RPS6KA2: variants seen among roughly 807,000 people sequenced by gnomAD.
RPS6KA2 encodes the protein ribosomal protein S6 kinase alpha-2.
A neutral mutation model predicts 91.8 loss-of-function variants in RPS6KA2; 42 were observed. That is an observed-to-expected ratio of 0.46 (90% CI 0.36 to 0.59). The LOEUF is 0.59. RPS6KA2 is among the 20% of genes least tolerant of loss of function. The pLI is 0.00. For missense variants in RPS6KA2, 798 were observed against 978.5 expected, an observed-to-expected ratio of 0.82 and a Z score of 2.46; for synonymous variants, 414 against 393.6, an observed-to-expected ratio of 1.05 and a Z score of -0.61.
intron 2 of RPS6KA2, among the ~76,000 whole-genome samples, chr6:166,841,952 T>C (rs1292668813): frequency 1.3e-5 from 2 of 152,126 alleles, no homozygotes; most frequent in East Asian, 1.9e-4. Context: ...GTGATTCTGG[T>C]GCCCTTGGAC....
At chr6:166,532,455 G>A (rs73255153) in intron 2 of RPS6KA2, among the ~76,000 whole-genome samples, 8,026 of 152,272 alleles carry the variant, frequency 0.053, 703 homozygotes, top group African/African-American at 0.18. Context: ...CCGGGAAGAC[G>A]CAAGGTCCCA....
chr6:166,460,012 T>A (rs896316902), intron 11 of RPS6KA2, among the ~76,000 whole-genome samples: 1 of 152,204 alleles, frequency 6.6e-6, no homozygotes, highest in African/African-American at 2.4e-5. Flanking sequence ...GAACTTCAGC[T>A]CTGCGGGGCA....
rs376998426 is a variant in RPS6KA2 at position 166,770,855 on chromosome 6, C to T, written c.123+87345G>A. ...GGAAAAAAACAAACCCACAGGAACGCTTCTTACCTCTACGGATCCAGCTAC... is the reference window on the plus strand; with the variant it reads ...GGAAAAAAACAAACCCACAGGAACGTTTCTTACCTCTACGGATCCAGCTAC... On this transcript the variant is annotated intron_variant, in intron 2 of 21. Coordinates refer to the RPS6KA2 transcript ENST00000503859. This position sits in a 1 kb window ranked among gnomAD's most constrained non-coding sequence, Gnocchi z 5.1. 57 of 1,593,606 alleles carry T rather than the reference C, an allele frequency of 3.6e-5. No individual in the cohort carries two copies. The African/African-American group carries it at 7.1e-4, about 20-fold the overall frequency.
chr6:166,410,196 T>A lies in RPS6KA2; in HGVS notation c.*2566A>T, dbSNP rs145004354. ...CCGGGGGTGGGGGGTTGGGTTATGA[T>A]GAACTGTGTGAGGAAGGAGAGCCAG... On this transcript the variant is annotated 3_prime_UTR_variant, in exon 21 of 21. Coordinates refer to ENST00000265678, the MANE Select transcript of RPS6KA2 (RefSeq NM_021135.6). 1 of 152,314 alleles carries A rather than the reference T, an allele frequency of 6.6e-6. No individual in the cohort carries two copies. The highest frequency in any genetic ancestry group is 2.4e-5 in the African/African-American group (1 of 41,556). 9.4% of individuals were successfully genotyped at this position (152,314 alleles called of 1,614,324 possible).
At chr6:166,517,462 T>TTTG (rs1782691933) in intron 3 of RPS6KA2, among the ~76,000 whole-genome samples, 1 of 59,322 alleles carries the variant, frequency 1.7e-5, no homozygotes, top group African/African-American at 5.1e-5. Context: ...TTTGTTTTTT[T>TTTG]TTTTTTTTTT....
chr6:166,581,547 T>C (rs550292209), intron 1 of RPS6KA2, among the ~76,000 whole-genome samples: 49 of 150,714 alleles, frequency 3.3e-4, no homozygotes, highest in African/African-American at 1.1e-3. Context: ...GGCAGCCTGT[T>C]GAGGCCACCG....
intron 19 of RPS6KA2, among the ~76,000 whole-genome samples, chr6:166,417,029 G>A (rs1480713351): frequency 6.6e-6 from 1 of 152,224 alleles, no homozygotes; most frequent in Non-Finnish European, 1.5e-5. Context: ...GGGAACAGCT[G>A]TTGGTGCTGC....
chr6:166,580,620 T>A (rs1215471240), intron 1 of RPS6KA2, among the ~76,000 whole-genome samples: 1 of 152,178 alleles, frequency 6.6e-6, no homozygotes, highest in Non-Finnish European at 1.5e-5. Flanking sequence ...TGTCATTGTA[T>A]GTGATCAAAC....
At chr6:166,799,537 T>C (rs1211392516) in intron 2 of RPS6KA2, among the ~76,000 whole-genome samples, 2 of 150,632 alleles carry the variant, frequency 1.3e-5, no homozygotes, top group Non-Finnish European at 2.9e-5. Context: ...TTTGAGCTTA[T>C]AGAGAAAAAG....
At chr6:166,671,456 T>C (rs1048737697) in intron 2 of RPS6KA2, among the ~76,000 whole-genome samples, 5 of 152,074 alleles carry the variant, frequency 3.3e-5, no homozygotes, top group Non-Finnish European at 7.4e-5. Context: ...GGAGCCCCCA[T>C]GGTGTACTGA....
chr6:166,563,603 C>G lies in RPS6KA2; in HGVS notation c.100-24819G>C, dbSNP rs938283527. ...CTCTCCCCTCCACACAGGGTAGCCC[C>G]CAACTCCAGCCAGAGGGAGCCAAGA... On this transcript the variant is annotated intron_variant, in intron 1 of 20. Transcript: ENST00000265678. This position sits in a 1 kb window ranked among gnomAD's most constrained non-coding sequence, Gnocchi z 4.1. Among the ~76,000 whole-genome samples the G allele has an allele frequency of 3.9e-5, 6 of 152,112 alleles. No homozygotes were observed. The highest frequency in any genetic ancestry group is 1.4e-4 in the African/African-American group (6 of 41,416).
At chr6:166,853,011 G>T (rs1203703437) in intron 2 of RPS6KA2, among the ~76,000 whole-genome samples, 2 of 152,202 alleles carry the variant, frequency 1.3e-5, no homozygotes, top group African/African-American at 4.8e-5. Flanking sequence ...TACCCCCGTA[G>T]CCACAAGGAA....
chr6:166,574,378 T>C (rs891715617), intron 1 of RPS6KA2, among the ~76,000 whole-genome samples: 3 of 152,222 alleles, frequency 2.0e-5, no homozygotes, highest in Non-Finnish European at 4.4e-5. Flanking sequence ...GTGTATTCAA[T>C]GCTGAGCTTC....
At chr6:166,760,144 G>A (rs1014566920) in intron 2 of RPS6KA2, among the ~76,000 whole-genome samples, 2 of 152,162 alleles carry the variant, frequency 1.3e-5, no homozygotes, top group African/African-American at 2.4e-5. Flanking sequence ...CTATTCATTC[G>A]GTTGGCAAAG....
intron 2 of RPS6KA2, among the ~76,000 whole-genome samples, chr6:166,691,317 C>T (rs1242812478): frequency 1.3e-5 from 2 of 152,186 alleles, no homozygotes; most frequent in Non-Finnish European, 2.9e-5. Flanking sequence ...ATGACTCACT[C>T]ATGCTATAAC....
At chr6:166,515,784 T>C (rs1309646228) in intron 3 of RPS6KA2, among the ~76,000 whole-genome samples, 1 of 152,208 alleles carries the variant, frequency 6.6e-6, no homozygotes, top group Non-Finnish European at 1.5e-5. Flanking sequence ...AGCTGGGAGC[T>C]GCTGAGGGCA....
intron 2 of RPS6KA2, among the ~76,000 whole-genome samples, chr6:166,741,917 G>A (rs984227288): frequency 3.3e-5 from 5 of 152,094 alleles, no homozygotes; most frequent in Non-Finnish European, 5.9e-5. Context: ...ACCTGAGGTC[G>A]GGAGTTCAAG....
intron 1 of RPS6KA2, among the ~76,000 whole-genome samples, chr6:166,572,769 C>T (rs191810761): frequency 7.2e-5 from 11 of 152,342 alleles, no homozygotes; most frequent in Admixed American, 3.3e-4. Flanking sequence ...ATAGCCCACA[C>T]GGAGCCCGCG....
intron 2 of RPS6KA2, among the ~76,000 whole-genome samples, chr6:166,661,351 C>T (rs1788158333): frequency 6.6e-6 from 1 of 152,200 alleles, no homozygotes; most frequent in African/African-American, 2.4e-5. Flanking sequence ...CCGCCCGCCT[C>T]GGCCTCCCCA....
Sources: allele counts gnomAD v4.1 joint callset (sites outside exome capture counted in the v4.1 genomes callset), GRCh38; gene constraint gnomAD v4.1.1; non-coding constraint Gnocchi (gnomAD v3.1); transcripts MANE v1.5; gene names NCBI Gene and HGNC (gene_info 2026-07-23, HGNC 2026-07-21).